GBF1: variants seen among roughly 807,000 people sequenced by gnomAD.
The protein encoded by GBF1 is golgi brefeldin A resistant guanine nucleotide exchange factor 1.
In GBF1, 114 loss-of-function variants were observed where a neutral mutation model predicts 210.5. That is an observed-to-expected ratio of 0.54 (90% CI 0.47 to 0.63). The LOEUF (loss-of-function observed/expected upper bound fraction) is 0.63. GBF1 is among the 30% of genes least tolerant of loss of function. The probability of loss-of-function intolerance (pLI) is 0.00; values close to 1 mark genes in which losing one functional copy is unlikely to be tolerated. For missense variants in GBF1, 1,851 were observed against 2,357.7 expected, an observed-to-expected ratio of 0.79 and a Z score of 4.45; for synonymous variants, 850 against 889.2, an observed-to-expected ratio of 0.96 and a Z score of 0.78.
At chr10:102,323,436 A>G (rs1321821871) in intron 3 of GBF1, among the ~76,000 whole-genome samples, 1 of 152,038 alleles carries the variant, frequency 6.6e-6, no homozygotes, top group East Asian at 1.9e-4. Flanking sequence ...GTAAGGGACT[A>G]CCTTTGGAGA....
intron 3 of GBF1, among the ~76,000 whole-genome samples, chr10:102,334,558 T>TC (rs2057584716): frequency 6.6e-6 from 1 of 152,056 alleles, no homozygotes; most frequent in African/African-American, 2.4e-5. Flanking sequence ...GAAAATAATG[T>TC]CAAGATTCAG....
At chr10:102,342,843 A>G (rs752728954) in intron 3 of GBF1, among the ~76,000 whole-genome samples, 1 of 152,188 alleles carries the variant, frequency 6.6e-6, no homozygotes. Context: ...AGAGTAAGGT[A>G]GGGAGTAAGT....
At chr10:102,318,725 GTTTTC>G (rs1194204349) in intron 3 of GBF1, among the ~76,000 whole-genome samples, 15 of 151,764 alleles carry the variant, frequency 9.9e-5, no homozygotes, top group African/African-American at 1.5e-4. Context: ...TTATTCAGTT[GTTTTC>G]TTTTCTATTT....
At chr10:102,230,673 G>C in the GBF1 span, 1 of 1,586,514 alleles carries the variant, frequency 6.3e-7, no homozygotes, top group South Asian at 1.1e-5. Context: ...AGGGGGAAGA[G>C]GCGGCAGCCG....
At chr10:102,298,735 G>T (rs977329996) in intron 3 of GBF1, among the ~76,000 whole-genome samples, 1 of 152,134 alleles carries the variant, frequency 6.6e-6, no homozygotes, top group African/African-American at 2.4e-5. Context: ...AAAAAGTGAA[G>T]AACTTGTGTA....
At chr10:102,369,516 G>A in intron 24 of GBF1, 129 bp downstream of exon 24, 2 of 873,214 alleles carry the variant, frequency 2.3e-6, no homozygotes, top group Non-Finnish European at 3.6e-6. Flanking sequence ...CACCAGGAAT[G>A]CCTCAAATGT....
At chr10:102,344,285 T>A in intron 4 of GBF1, 103 bp downstream of exon 4, 2 of 930,780 alleles carry the variant, frequency 2.1e-6, no homozygotes, top group East Asian at 4.8e-5. Flanking sequence ...GGAAATTTTT[T>A]CCAGTCACCT....
At chr10:102,239,439 A>G in the GBF1 span, among the ~76,000 whole-genome samples, 1 of 152,212 alleles carries the variant, frequency 6.6e-6, no homozygotes, top group Non-Finnish European at 1.5e-5. Flanking sequence ...TTATGGGAGC[A>G]CAGCAATGGG....
At chr10:102,269,513 A>T (rs1360208688) in intron 3 of GBF1, among the ~76,000 whole-genome samples, 2 of 152,114 alleles carry the variant, frequency 1.3e-5, no homozygotes, top group African/African-American at 4.8e-5. Context: ...GATCAAAAGC[A>T]CTTCAGTGTT....
intron 3 of GBF1, among the ~76,000 whole-genome samples, chr10:102,290,458 G>C (rs1396742971): frequency 6.6e-6 from 1 of 151,958 alleles, no homozygotes; most frequent in East Asian, 1.9e-4. Flanking sequence ...CCTTATCTCT[G>C]TGTTGATAAC....
chr10:102,294,306 C>G (rs2076729723), intron 3 of GBF1, among the ~76,000 whole-genome samples: 1 of 152,132 alleles, frequency 6.6e-6, no homozygotes, highest in Admixed American at 6.5e-5. Context: ...ACTGACTTAT[C>G]CAGAGCAACT....
At chr10:102,242,165 C>T (rs963178011), upstream of GBF1, among the ~76,000 whole-genome samples, 21 of 152,230 alleles carry the variant, frequency 1.4e-4, no homozygotes, top group Non-Finnish European at 2.9e-4. Flanking sequence ...TCATTTCCCC[C>T]TTCTTCTCCA....
the GBF1 span, among the ~76,000 whole-genome samples, chr10:102,235,000 C>G: frequency 3.3e-5 from 5 of 152,156 alleles, 2 homozygotes; most frequent in South Asian, 1.0e-3. Flanking sequence ...CAGGCCCCCA[C>G]TCAGACATAA....
chr10:102,328,501 TA>T (rs1257118295), intron 3 of GBF1, among the ~76,000 whole-genome samples: 1 of 152,066 alleles, frequency 6.6e-6, no homozygotes, highest in Non-Finnish European at 1.5e-5. Context: ...AAAATAAAAA[TA>T]AAAAGACCCC....
chr10:102,351,202 C>G (rs1324685815), intron 4 of GBF1, 54 bp from the exon 5 acceptor site: 1 of 1,020,138 alleles, frequency 9.8e-7, no homozygotes, highest in Non-Finnish European at 1.6e-6. Context: ...GCTGCCTTAC[C>G]TTTTATCTCT....
At chr10:102,300,007 A>G (rs959111443) in intron 3 of GBF1, among the ~76,000 whole-genome samples, 4 of 152,216 alleles carry the variant, frequency 2.6e-5, no homozygotes, top group Non-Finnish European at 1.5e-5. Context: ...TAAATGTGAG[A>G]AAAATGAGTA....
the GBF1 span, chr10:102,232,128 G>A: frequency 8.3e-7 from 1 of 1,199,386 alleles, no homozygotes; most frequent in Non-Finnish European, 1.2e-6. Context: ...AGGGTAATGG[G>A]GGTAAAATCT....
chr10:102,268,619 C>T (rs537415666), intron 3 of GBF1, among the ~76,000 whole-genome samples: 3 of 152,180 alleles, frequency 2.0e-5, no homozygotes, highest in South Asian at 4.2e-4. Context: ...CAGGCAGAGT[C>T]CCTTCCTGCT....
Position 102,371,440 on chromosome 10 carries a change from A to G in GBF1, c.3660+580A>G, listed in dbSNP as rs187548792. 1.5e-3 allele frequency among the ~76,000 whole-genome samples: 227 copies of G among 152,358 alleles called. 1 individual carries two copies. Among genetic ancestry groups the G allele is most frequent in the Non-Finnish European group, 2.9e-4 (20 of 68,040 alleles). On this transcript the variant is annotated intron_variant, in intron 29 of 39. Coordinates refer to ENST00000369983, the MANE Select transcript of GBF1 (RefSeq NM_001377137.1). ...AATTGAAGAAGATGTAAATAAATGA[A>G]GAGGCATACTATGTTCATGGATTGG...
Sources: allele counts gnomAD v4.1 joint callset (sites outside exome capture counted in the v4.1 genomes callset), GRCh38; gene constraint gnomAD v4.1.1; transcripts MANE v1.5; gene names NCBI Gene and HGNC (gene_info 2026-07-23, HGNC 2026-07-21).